The following EFCAB6 variants were observed in gnomAD, a reference collection of about 807,000 sequenced individuals.
The protein encoded by EFCAB6 is EF-hand calcium binding domain 6, also known as EF-hand calcium-binding domain-containing protein 6.
A neutral mutation model predicts 169.8 loss-of-function variants in EFCAB6; 156 were observed. That is an observed-to-expected ratio of 0.92 (90% CI 0.81 to 1.05). EFCAB6 has a LOEUF of 1.05. EFCAB6 is among the 50% of genes least tolerant of loss of function. The pLI is 0.00. For missense variants in EFCAB6, 1,800 were observed against 1,829.1 expected (o/e 0.98, Z 0.29); for synonymous variants, 698 against 676.4 (o/e 1.03, Z -0.50).
chr22:43,744,084 AATG>A lies in EFCAB6; in HGVS notation c.508-8094_508-8092del, dbSNP rs1312461122. 1.5e-3 allele frequency among the ~76,000 whole-genome samples: 215 copies of A among 144,050 alleles called. No homozygotes were observed. Among genetic ancestry groups the A allele is most frequent in the African/African-American group, 5.6e-3 (210 of 37,796 alleles). The allele number at this position is 144,050 out of a possible 152,430, so 94.5% of individuals were successfully genotyped here. A position where few individuals can be genotyped will look rare whatever the true frequency, so the allele number is the denominator to read the frequency against. On this transcript the variant is annotated intron_variant, in intron 6 of 31. Transcript: ENST00000262726. This position sits in a 1 kb window ranked among gnomAD's most constrained non-coding sequence, Gnocchi z 4.3. ...GGATGGATGAACGGATGAATGGATGAATGATGAATGAATGAATGAATGAATGAA... is the reference window on the plus strand; with the variant it reads ...GGATGGATGAACGGATGAATGGATGAATGAATGAATGAATGAATGAATGAA...
intron 6 of EFCAB6, among the ~76,000 whole-genome samples, chr22:43,745,277 T>C (rs2147780904): frequency 6.6e-6 from 1 of 152,308 alleles, no homozygotes; most frequent in African/African-American, 2.4e-5. Context: ...ATGTTTCCCC[T>C]CTGAAGCCCA....
intron 10 of EFCAB6, among the ~76,000 whole-genome samples, 165 bp from the exon 11 acceptor site, chr22:43,687,746 A>AT (rs2058259332): frequency 6.6e-6 from 1 of 152,244 alleles, no homozygotes; most frequent in Non-Finnish European, 1.5e-5. Flanking sequence ...CTACAAATTG[A>AT]TTTTTTAAAG....
At chr22:43,798,845 C>A (rs1182821625) in intron 2 of EFCAB6, among the ~76,000 whole-genome samples, 1 of 152,184 alleles carries the variant, frequency 6.6e-6, no homozygotes. Flanking sequence ...GAGAACACCT[C>A]TTAAATCTAT....
At chr22:43,564,833 T>C (rs2049319071) in intron 26 of EFCAB6, among the ~76,000 whole-genome samples, 1 of 152,202 alleles carries the variant, frequency 6.6e-6, no homozygotes. Context: ...CCAAATTGTA[T>C]CCTGAACGAC....
At chr22:43,632,457 G>A (rs2055046555) in intron 18 of EFCAB6, among the ~76,000 whole-genome samples, 1 of 152,040 alleles carries the variant, frequency 6.6e-6, no homozygotes, top group African/African-American at 2.4e-5. Flanking sequence ...CTGCCATCAC[G>A]CCTGGCTAAT....
At chr22:43,661,375 T>G (rs1227022627) in intron 17 of EFCAB6, among the ~76,000 whole-genome samples, 1 of 152,134 alleles carries the variant, frequency 6.6e-6, no homozygotes, top group Non-Finnish European at 1.5e-5. Context: ...AGATCTTGCC[T>G]CTAAATAAAT....
In EFCAB6 at chr22:43,537,520, G is replaced by A. The variant is rs770879561; in HGVS notation, c.3905C>T (p.Pro1302Leu). 3.3e-5 allele frequency: 54 copies of A among 1,613,846 alleles called. No homozygotes were observed. The highest frequency in any genetic ancestry group is 5.0e-5 in the Admixed American group (3 of 59,980). The change falls in exon 29 of 32, where the codon CCG becomes CTG. Residue 1302 changes from proline to leucine, a missense_variant. Transcript: ENST00000262726. The surrounding 1 kb of genome is among the most constrained non-coding windows in gnomAD (Gnocchi z 4.3). ...PCTPASTTVI[P>L]GTPPLQNCDP... ...ACAGTTCTGCAAGGGTGGAGTGCCC[G>A]GGATCACGGTGGTGCTCGCTGGAGT... is the stretch of plus-strand genomic sequence containing the variant.
At chr22:43,679,407 T>G (rs930124996) in intron 12 of EFCAB6, among the ~76,000 whole-genome samples, 3 of 152,242 alleles carry the variant, frequency 2.0e-5, no homozygotes, top group African/African-American at 7.2e-5. Flanking sequence ...ACATTTGGAT[T>G]GTTTCCAGTT....
intron 27 of EFCAB6, among the ~76,000 whole-genome samples, chr22:43,542,906 A>C (rs1249077241): frequency 2.0e-5 from 3 of 152,194 alleles, no homozygotes; most frequent in Non-Finnish European, 4.4e-5. Context: ...AAAGCAAGTG[A>C]GTTTCCACAT....
intron 25 of EFCAB6, among the ~76,000 whole-genome samples, chr22:43,579,402 G>GCATGCAGGCATCATTCCCTA (rs2050529207): frequency 1.3e-4 from 10 of 79,600 alleles, no homozygotes; most frequent in African/African-American, 3.4e-4. Flanking sequence ...ATCATTCCCT[G>GCATGCAGGCATCATTCCCTA]CATGCAGGCA....
intron 27 of EFCAB6, among the ~76,000 whole-genome samples, chr22:43,548,539 C>CAAAAAA (rs397868076): frequency 3.0e-4 from 11 of 36,752 alleles, no homozygotes; most frequent in East Asian, 1.0e-3. Context: ...GAATCCATCT[C>CAAAAAA]AAAAAAAAAA....
At chr22:43,613,199 ATT>A (rs1007350677) in intron 21 of EFCAB6, among the ~76,000 whole-genome samples, 4 of 148,300 alleles carry the variant, frequency 2.7e-5, no homozygotes, top group Non-Finnish European at 5.9e-5. Flanking sequence ...ATATTAATAT[ATT>A]TGTTATAGAA....
chr22:43,539,672 C>G (rs563203745), intron 28 of EFCAB6, among the ~76,000 whole-genome samples: 9 of 152,322 alleles, frequency 5.9e-5, no homozygotes, highest in African/African-American at 1.7e-4. Context: ...GGCTTAAAAT[C>G]AGGTCGCTCC....
chr22:43,724,477 C>T (rs1307406072), intron 8 of EFCAB6, among the ~76,000 whole-genome samples: 2 of 151,156 alleles, frequency 1.3e-5, no homozygotes, highest in African/African-American at 2.4e-5. Context: ...AAGTGATTCT[C>T]CTGCCTCAGC....
chr22:43,565,209 G>A (rs946017935), intron 26 of EFCAB6, among the ~76,000 whole-genome samples: 1 of 152,212 alleles, frequency 6.6e-6, no homozygotes, highest in African/African-American at 2.4e-5. Flanking sequence ...ACAGGCTCTG[G>A]CCATCACACA....
At chr22:43,684,733 A>C (rs1481758443) in intron 11 of EFCAB6, among the ~76,000 whole-genome samples, 1 of 152,216 alleles carries the variant, frequency 6.6e-6, no homozygotes, top group African/African-American at 2.4e-5. Context: ...TAAGCTCCTC[A>C]CATGACTTGT....
intron 22 of EFCAB6, among the ~76,000 whole-genome samples, chr22:43,602,092 C>A (rs1217617847): frequency 6.6e-6 from 1 of 152,246 alleles, no homozygotes; most frequent in Non-Finnish European, 1.5e-5. Flanking sequence ...AAGGCCCTTT[C>A]CTGCTCCACG....
chr22:43,778,869 T>TA (rs2061720924), intron 3 of EFCAB6, among the ~76,000 whole-genome samples: 1 of 152,016 alleles, frequency 6.6e-6, no homozygotes. Flanking sequence ...CTGCTGTTTT[T>TA]AACACAAATA....
At chr22:43,568,033 G>C (rs934144544) in intron 26 of EFCAB6, among the ~76,000 whole-genome samples, 1 of 152,164 alleles carries the variant, frequency 6.6e-6, no homozygotes, top group Non-Finnish European at 1.5e-5. Flanking sequence ...CACACTCACA[G>C]GCAGGAGCAA....
Sources: gnomAD v4.1 joint callset for allele counts (sites outside exome capture counted in the v4.1 genomes callset) on GRCh38, gnomAD v4.1.1 for gene constraint, Gnocchi (gnomAD v3.1) non-coding constraint, MANE v1.5 for transcripts, NCBI Gene and HGNC (gene_info 2026-07-23, HGNC 2026-07-21) for gene names.